MTFR1: variants seen among roughly 807,000 people sequenced by gnomAD.
MTFR1 encodes chondrocyte protein with a poly-proline region.
Under a neutral mutation model 38.8 loss-of-function variants are expected in MTFR1, and 28 were observed. That is an observed-to-expected ratio of 0.72 (90% confidence interval 0.53 to 0.99). The LOEUF (loss-of-function observed/expected upper bound fraction) is 0.99. Ranked by LOEUF, MTFR1 falls within the 50% of genes least tolerant of loss-of-function variation. MTFR1 has a pLI of 0.00. For missense variants in MTFR1, 358 were observed against 395.5 expected (o/e 0.91, Z 0.81); for synonymous variants, 145 against 137.0 (o/e 1.06, Z -0.41).
intron 3 of MTFR1, among the ~76,000 whole-genome samples, chr8:65,685,072 C>T (rs1254099622): frequency 2.0e-5 from 3 of 152,198 alleles, no homozygotes; most frequent in African/African-American, 7.2e-5. Context: ...TCTGTATCTC[C>T]ACTGCTTCTT....
intron 3 of MTFR1, among the ~76,000 whole-genome samples, chr8:65,726,064 A>C (rs1220809439): frequency 2.0e-5 from 3 of 152,224 alleles, no homozygotes; most frequent in Non-Finnish European, 2.9e-5. Context: ...GTTGTTTTAA[A>C]TTATGAAAGG....
At chr8:65,736,794 T>G (rs1807154119) in intron 3 of MTFR1, among the ~76,000 whole-genome samples, 1 of 150,862 alleles carries the variant, frequency 6.6e-6, no homozygotes, top group Admixed American at 6.6e-5. Flanking sequence ...TTATCTGTTT[T>G]TTTTTTTTTT....
At position 65,655,969 on chromosome 8, in the gene MTFR1, C is replaced by CA; in HGVS notation, c.-81+11185_-81+11186insA. On this transcript the variant is annotated intron_variant, in intron 1 of 7. Transcript: ENST00000262146. ...AAAAAAAAATATATATATATATATA[C>CA]CATATATATATATATGGTAGTGGGT... is the stretch of plus-strand genomic sequence containing the variant. Among the ~76,000 whole-genome samples the CA allele has an allele frequency of 9.2e-4, 52 of 56,456 alleles. 2 individuals are homozygous for CA. Among genetic ancestry groups the CA allele is most frequent in the African/African-American group, 4.3e-3 (42 of 9,830 alleles). 37.0% of individuals were successfully genotyped at this position (56,456 alleles called of 152,430 possible). A position where few individuals can be genotyped will look rare whatever the true frequency, so the allele number is the denominator to read the frequency against.
chr8:65,711,014 G>GAA (rs1805929777), downstream of MTFR1, among the ~76,000 whole-genome samples: 1 of 151,530 alleles, frequency 6.6e-6, no homozygotes, highest in South Asian at 2.1e-4. Context: ...GAGAGAGAGA[G>GAA]AATACAAGAC....
chr8:65,715,771 G>C (rs1279076071), intron 2 of MTFR1, among the ~76,000 whole-genome samples: 6 of 148,660 alleles, frequency 4.0e-5, no homozygotes, highest in Non-Finnish European at 3.0e-5. Flanking sequence ...GGATCACGAG[G>C]TCAGGAGATT....
At chr8:65,652,225 A>G (rs189989787) in intron 1 of MTFR1, among the ~76,000 whole-genome samples, 2 of 151,124 alleles carry the variant, frequency 1.3e-5, no homozygotes, top group East Asian at 1.9e-4. Context: ...TCGTACCTCA[A>G]CCTCCCAAGT....
intron 3 of MTFR1, chr8:65,747,550 T>C (rs576502671): frequency 5.9e-5 from 39 of 661,148 alleles, no homozygotes; most frequent in African/African-American, 3.0e-4. Flanking sequence ...CTGCTTTTCA[T>C]AGACAGAGAA....
chr8:65,741,028 T>C (rs988229178), intron 3 of MTFR1, among the ~76,000 whole-genome samples: 4 of 152,200 alleles, frequency 2.6e-5, no homozygotes, highest in Non-Finnish European at 5.9e-5. Flanking sequence ...ACACCAAGAA[T>C]AGAAATTAAA....
At chr8:65,717,620 C>A (rs535121859) in intron 2 of MTFR1, 1 of 152,252 alleles carries the variant, frequency 6.6e-6, no homozygotes, top group African/African-American at 2.4e-5. Flanking sequence ...CTTTGATTTC[C>A]TTGTAATTTA....
chr8:65,669,531 G>A (rs995336595), intron 1 of MTFR1, among the ~76,000 whole-genome samples: 1 of 151,438 alleles, frequency 6.6e-6, no homozygotes, highest in African/African-American at 2.4e-5. Flanking sequence ...AGCAAATCTT[G>A]TTTTCTCTTA....
intron 3 of MTFR1, 37 bp from the exon 4 acceptor site, chr8:65,693,607 T>C: frequency 1.3e-6 from 2 of 1,577,104 alleles, no homozygotes; most frequent in Non-Finnish European, 8.7e-7. Flanking sequence ...TTTGGTGCCA[T>C]CTTTGGTGAA....
At chr8:65,668,822 G>A (rs1163609340) in intron 1 of MTFR1, among the ~76,000 whole-genome samples, 2 of 152,074 alleles carry the variant, frequency 1.3e-5, no homozygotes, top group East Asian at 3.9e-4. Flanking sequence ...CCTTAAGCAA[G>A]TTTTTATTGA....
intron 3 of MTFR1, chr8:65,723,566 A>G (rs372728992): frequency 1.5e-4 from 235 of 1,583,684 alleles, no homozygotes; most frequent in Non-Finnish European, 1.9e-4. Context: ...CAATAGATTC[A>G]GTGTGACGAT....
intron 3 of MTFR1, among the ~76,000 whole-genome samples, chr8:65,760,026 G>C (rs946727932): frequency 6.6e-5 from 10 of 152,108 alleles, no homozygotes; most frequent in African/African-American, 2.4e-4. Context: ...GATCACTTGA[G>C]GTCAGGAGTT....
chr8:65,678,874 G>C (rs1804795591), intron 2 of MTFR1, among the ~76,000 whole-genome samples: 1 of 151,806 alleles, frequency 6.6e-6, no homozygotes. Context: ...GACAGAGCGA[G>C]ACTCCATCTA....
At chr8:65,661,888 C>T (rs943723119) in intron 1 of MTFR1, among the ~76,000 whole-genome samples, 7 of 151,988 alleles carry the variant, frequency 4.6e-5, no homozygotes, top group South Asian at 2.1e-4. Flanking sequence ...CGCTTGAACT[C>T]GAGAGGTGGA....
At chr8:65,675,969 G>A (rs1804697740) in intron 2 of MTFR1, among the ~76,000 whole-genome samples, 1 of 152,096 alleles carries the variant, frequency 6.6e-6, no homozygotes, top group Non-Finnish European at 1.5e-5. Context: ...ATTTTATATT[G>A]GAAGAAAAGT....
chr8:65,708,682 G>A (rs1289851180), intron 7 of MTFR1, among the ~76,000 whole-genome samples: 3 of 152,176 alleles, frequency 2.0e-5, no homozygotes, highest in African/African-American at 7.2e-5. Flanking sequence ...AGGAAACTTT[G>A]TACTTTCTCT....
At chr8:65,656,469 G>T (rs75227019) in intron 1 of MTFR1, among the ~76,000 whole-genome samples, 6,115 of 150,710 alleles carry the variant, frequency 0.041, 425 homozygotes, top group African/African-American at 0.14. Flanking sequence ...GAGTCAGTAG[G>T]ACTACAGGCA....
Sources: gnomAD v4.1 joint callset for allele counts (sites outside exome capture counted in the v4.1 genomes callset) on GRCh38, gnomAD v4.1.1 for gene constraint, MANE v1.5 for transcripts, NCBI Gene and HGNC (gene_info 2026-07-23, HGNC 2026-07-21) for gene names.